The following ZFYVE9 variants were observed in gnomAD, a reference collection of about 807,000 sequenced individuals.
ZFYVE9 encodes zinc finger FYVE-type containing 9.
ZFYVE9 carries 43 observed loss-of-function variants against 126.7 expected under a neutral mutation model. The ratio of observed to expected loss-of-function variants is 0.34; its 90% CI spans 0.27 to 0.44. The LOEUF is 0.44. ZFYVE9 is among the 20% of genes least tolerant of loss of function. The probability of loss-of-function intolerance (pLI) is 1.00; values close to 1 mark genes in which losing one functional copy is unlikely to be tolerated. For synonymous variants in ZFYVE9, 521 were observed against 597.4 expected (o/e 0.87, Z 1.87); for missense variants, 1,476 against 1,697.0 (o/e 0.87, Z 2.29).
At chr1:52,264,227 G>A (rs746205173) in intron 5 of ZFYVE9, among the ~76,000 whole-genome samples, 50 of 152,168 alleles carry the variant, frequency 3.3e-4, no homozygotes, top group Non-Finnish European at 6.5e-4. Context: ...ACTGGGCTGA[G>A]ATTTTCCTTT....
At chr1:52,215,386 A>G (rs184346056) in intron 1 of ZFYVE9, among the ~76,000 whole-genome samples, 1 of 152,102 alleles carries the variant, frequency 6.6e-6, no homozygotes, top group African/African-American at 2.4e-5. Flanking sequence ...TTCATTCTTT[A>G]TTCTTCATTG....
intron 1 of ZFYVE9, among the ~76,000 whole-genome samples, chr1:52,167,848 C>G (rs1486490020): frequency 2.0e-5 from 3 of 152,206 alleles, no homozygotes; most frequent in Non-Finnish European, 4.4e-5. Flanking sequence ...ACAGCAGAAT[C>G]ACAGTTGATC....
intron 10 of ZFYVE9, among the ~76,000 whole-genome samples, chr1:52,292,260 G>T (rs1056246697): frequency 3.4e-5 from 5 of 146,612 alleles, no homozygotes; most frequent in African/African-American, 1.3e-4. Context: ...TCCAGCCTGG[G>T]TGGCAGAGCA....
chr1:52,169,276 G>A (rs758320202), intron 1 of ZFYVE9, among the ~76,000 whole-genome samples: 5 of 152,014 alleles, frequency 3.3e-5, no homozygotes, highest in African/African-American at 1.2e-4. Flanking sequence ...GGTGGTACAC[G>A]CCTGTACTCC....
intron 12 of ZFYVE9, among the ~76,000 whole-genome samples, chr1:52,302,262 G>A (rs1479019619): frequency 1.3e-5 from 2 of 152,010 alleles, no homozygotes; most frequent in African/African-American, 2.4e-5. Context: ...ATATTCTTGA[G>A]CTTTTTTTGC....
At chr1:52,302,508 T>G (rs1475040569) in intron 12 of ZFYVE9, among the ~76,000 whole-genome samples, 2 of 152,350 alleles carry the variant, frequency 1.3e-5, no homozygotes, top group South Asian at 4.1e-4. Context: ...CCCAGCATTT[T>G]GGGAGGCCAA....
chr1:52,224,542 T>C (rs1295626335), intron 2 of ZFYVE9, among the ~76,000 whole-genome samples: 1 of 152,206 alleles, frequency 6.6e-6, no homozygotes, highest in Non-Finnish European at 1.5e-5. Flanking sequence ...TGGACTTTTA[T>C]CATTGACTTA....
chr1:52,231,416 G>C (rs1436446469), intron 2 of ZFYVE9, among the ~76,000 whole-genome samples: 1 of 151,898 alleles, frequency 6.6e-6, no homozygotes, highest in South Asian at 2.1e-4. Context: ...TACTCTGGAG[G>C]GTGAGGCAGG....
chr1:52,191,601 G>C (rs546506193), intron 1 of ZFYVE9, among the ~76,000 whole-genome samples: 2 of 152,248 alleles, frequency 1.3e-5, no homozygotes, highest in South Asian at 2.1e-4. Flanking sequence ...GACCCAGATG[G>C]GTTAGATATT....
chr1:52,270,302 C>A (rs537424547), intron 7 of ZFYVE9, among the ~76,000 whole-genome samples: 2 of 152,238 alleles, frequency 1.3e-5, no homozygotes, highest in African/African-American at 4.8e-5. Context: ...CTTGCTCTGT[C>A]GCCCAGGCTG....
In ZFYVE9 at chr1:52,334,762, G is replaced by T; in HGVS notation, c.3664G>T (p.Val1222Leu). The change falls in exon 15 of 19, where the codon GTG (valine) becomes TTG (leucine). Residue 1222 changes from valine to leucine, a missense_variant. By Grantham distance (32) the Val-to-Leu change is conservative. Coordinates refer to ENST00000287727, the MANE Select transcript of ZFYVE9 (RefSeq NM_004799.4). ...TGGATACCTTGCCAAGTCCAGTATTGTGGAAGGTAAAGAATGAATTGTTCA... is the reference window on the plus strand; with the variant it reads ...TGGATACCTTGCCAAGTCCAGTATTTTGGAAGGTAAAGAATGAATTGTTCA... ...SSGYLAKSSI[V>L]EDGVMVQITA... The T allele has an allele frequency of 6.2e-7, 1 of 1,613,850 alleles. No individual in the cohort carries two copies. Among genetic ancestry groups the T allele is most frequent in the Non-Finnish European group, 8.5e-7 (1 of 1,179,882 alleles).
chr1:52,253,487 A>AT, intron 4 of ZFYVE9: 1 of 603,214 alleles, frequency 1.7e-6, no homozygotes, highest in Non-Finnish European at 2.9e-6. Context: ...ACACTGGCAT[A>AT]TTTACACATT....
At chr1:52,208,648 C>G (rs976630947) in intron 1 of ZFYVE9, among the ~76,000 whole-genome samples, 1 of 152,112 alleles carries the variant, frequency 6.6e-6, no homozygotes, top group Non-Finnish European at 1.5e-5. Context: ...ATTCTCCTGC[C>G]TTAGCCTCCT....
At chr1:52,239,669 A>G (rs1291447353) in intron 4 of ZFYVE9, 74 bp downstream of exon 4, 20 of 1,490,066 alleles carry the variant, frequency 1.3e-5, no homozygotes, top group East Asian at 9.2e-5. Context: ...AATAAAGGCA[A>G]TGTAAGGTGA....
At chr1:52,162,633 G>T in intron 1 of ZFYVE9, 1 of 272,782 alleles carries the variant, frequency 3.7e-6, no homozygotes. Flanking sequence ...ATCTCTGTCT[G>T]TTGTGTACAA....
At chr1:52,321,944 C>T (rs1392651571) in intron 13 of ZFYVE9, among the ~76,000 whole-genome samples, 6 of 152,212 alleles carry the variant, frequency 3.9e-5, no homozygotes, top group African/African-American at 1.4e-4. Flanking sequence ...GGCTTAAATA[C>T]TATTTCTAAG....
At chr1:52,333,329 G>A (rs1365746101) in intron 14 of ZFYVE9, among the ~76,000 whole-genome samples, 1 of 151,588 alleles carries the variant, frequency 6.6e-6, no homozygotes, top group African/African-American at 2.4e-5. Context: ...ATATTGACAA[G>A]GGCCAGCTCT....
intron 1 of ZFYVE9, among the ~76,000 whole-genome samples, chr1:52,177,413 C>A (rs573094938): frequency 2.0e-5 from 3 of 152,136 alleles, no homozygotes; most frequent in African/African-American, 7.2e-5. Context: ...GCACAAAGTG[C>A]TGGATTACAG....
chr1:52,221,737 A>G (rs1237264111), intron 2 of ZFYVE9, among the ~76,000 whole-genome samples: 2 of 152,172 alleles, frequency 1.3e-5, no homozygotes, highest in Non-Finnish European at 2.9e-5. Flanking sequence ...TCCTTTGCTT[A>G]TATTAACAAA....
Sources: allele counts gnomAD v4.1 joint callset (sites outside exome capture counted in the v4.1 genomes callset), GRCh38; gene constraint gnomAD v4.1.1; transcripts MANE v1.5; gene names NCBI Gene and HGNC (gene_info 2026-07-23, HGNC 2026-07-21).